PCDH15: variants seen among roughly 807,000 people sequenced by gnomAD.
PCDH15 encodes protocadherin related 15, also known as protocadherin-15.
A neutral mutation model predicts 178.5 loss-of-function variants in PCDH15; 129 were observed. That is an observed-to-expected ratio of 0.72 (90% CI 0.63 to 0.84). The LOEUF (loss-of-function observed/expected upper bound fraction) is 0.84, where lower values mean the gene tolerates loss of function less well. Among genes scored for constraint, PCDH15 ranks in the 40% least tolerant of loss-of-function variants. The pLI, the probability that PCDH15 is intolerant of heterozygous loss-of-function variation, is 0.00. For missense variants in PCDH15, 2,230 were observed against 2,099.9 expected, an observed-to-expected ratio of 1.06 and a Z score of -1.21; for synonymous variants, 800 against 732.0, an observed-to-expected ratio of 1.09 and a Z score of -1.50.
chr10:54,304,317 T>G (rs73243269), intron 8 of PCDH15, among the ~76,000 whole-genome samples: 31,408 of 151,988 alleles, frequency 0.21, 3,317 homozygotes, highest in Admixed American at 0.24. Flanking sequence ...ATAAAACTTT[T>G]TTATTAATCT....
chr10:54,356,688 C>CAA (rs56325148), intron 5 of PCDH15, among the ~76,000 whole-genome samples: 5 of 148,650 alleles, frequency 3.4e-5, no homozygotes, highest in East Asian at 2.0e-4. Flanking sequence ...TCATCAAAAA[C>CAA]AAAAAAAAAG....
At chr10:53,946,503 T>C (rs2086587002) in intron 23 of PCDH15, among the ~76,000 whole-genome samples, 1 of 152,242 alleles carries the variant, frequency 6.6e-6, no homozygotes, top group Non-Finnish European at 1.5e-5. Flanking sequence ...TTTTTTGGAC[T>C]GGCCTCTTTC....
intron 3 of PCDH15, among the ~76,000 whole-genome samples, chr10:54,866,893 T>A (rs1953952580): frequency 6.6e-6 from 1 of 152,204 alleles, no homozygotes; most frequent in Non-Finnish European, 1.5e-5. Flanking sequence ...TATTAGAGCT[T>A]GCACTGAACA....
intron 3 of PCDH15, among the ~76,000 whole-genome samples, chr10:54,862,929 CA>C (rs1243673698): frequency 5.3e-5 from 8 of 152,092 alleles, no homozygotes; most frequent in African/African-American, 1.9e-4. Context: ...ACAAAATTAA[CA>C]GAGACATCAG....
chr10:55,198,191 A>G (rs1327797876), intron 1 of PCDH15, among the ~76,000 whole-genome samples: 2 of 152,122 alleles, frequency 1.3e-5, no homozygotes, highest in African/African-American at 4.8e-5. Flanking sequence ...GTTGCTCTTC[A>G]ATAAACCACT....
intron 18 of PCDH15, among the ~76,000 whole-genome samples, chr10:54,053,710 A>G (rs1325233696): frequency 6.6e-6 from 1 of 152,204 alleles, no homozygotes; most frequent in African/African-American, 2.4e-5. Context: ...AAAGTTGTCA[A>G]AGTAATAGTG....
chr10:53,892,081 G>A (rs112439564), intron 26 of PCDH15, among the ~76,000 whole-genome samples: 2,141 of 138,804 alleles, frequency 0.015, 44 homozygotes, highest in African/African-American at 0.054. Flanking sequence ...CCGGAGTGCC[G>A]TGGTGGCATC....
At chr10:54,493,658 C>T (rs2079824358) in intron 3 of PCDH15, among the ~76,000 whole-genome samples, 1 of 151,652 alleles carries the variant, frequency 6.6e-6, no homozygotes, top group Non-Finnish European at 1.5e-5. Flanking sequence ...ACTAGTTCAG[C>T]CATTGTGGAA....
At chr10:54,323,354 C>G (rs1441388361) in intron 7 of PCDH15, among the ~76,000 whole-genome samples, 1 of 152,072 alleles carries the variant, frequency 6.6e-6, no homozygotes, top group Non-Finnish European at 1.5e-5. Context: ...CTACCAACCC[C>G]ATTACTGGGT....
upstream of PCDH15, among the ~76,000 whole-genome samples, chr10:54,802,139 G>C (rs940826526): frequency 6.6e-6 from 1 of 152,120 alleles, no homozygotes; most frequent in Non-Finnish European, 1.5e-5. Context: ...ACAGACAAAA[G>C]CCCCAGAACA....
chr10:55,455,494 T>C (rs1375303022), intron 2 of PCDH15, among the ~76,000 whole-genome samples: 1 of 152,134 alleles, frequency 6.6e-6, no homozygotes, highest in African/African-American at 2.4e-5. Flanking sequence ...CAATTACCAT[T>C]TGTGAAAACC....
intron 2 of PCDH15, among the ~76,000 whole-genome samples, chr10:55,392,467 T>C (rs1182253174): frequency 2.6e-5 from 4 of 152,202 alleles, no homozygotes; most frequent in African/African-American, 9.6e-5. Flanking sequence ...AACTAAGGTA[T>C]AGTTTTTTGT....
intron 3 of PCDH15, among the ~76,000 whole-genome samples, chr10:54,412,271 A>T (rs1953647784): frequency 6.7e-6 from 1 of 149,586 alleles, no homozygotes; most frequent in Admixed American, 6.7e-5. Flanking sequence ...TATATATTTA[A>T]AATTATATAT....
chr10:55,245,389 A>G (rs979111431), intron 1 of PCDH15, among the ~76,000 whole-genome samples: 1 of 152,086 alleles, frequency 6.6e-6, no homozygotes, highest in African/African-American at 2.4e-5. Flanking sequence ...ACACCCCCCC[A>G]AAACATCTTA....
At chr10:54,760,955 TATACA>T (rs1360475200) in intron 1 of PCDH15, among the ~76,000 whole-genome samples, 1 of 152,114 alleles carries the variant, frequency 6.6e-6, no homozygotes, top group African/African-American at 2.4e-5. Flanking sequence ...TGTACAATAC[TATACA>T]ATACAATATA....
chr10:53,812,027 T>C (rs2075883672), intron 35 of PCDH15, among the ~76,000 whole-genome samples: 1 of 151,122 alleles, frequency 6.6e-6, no homozygotes, highest in Admixed American at 6.6e-5. Context: ...TATAACACTA[T>C]CTACAGCATT....
chr10:55,373,947 G>A (rs1254917565), intron 2 of PCDH15, among the ~76,000 whole-genome samples: 1 of 151,562 alleles, frequency 6.6e-6, no homozygotes, highest in Non-Finnish European at 1.5e-5. Context: ...GTGGTGGGGT[G>A]GGGGGCTGGG....
chr10:54,989,656 TG>T (rs1313952055), intron 2 of PCDH15, among the ~76,000 whole-genome samples: 1 of 152,244 alleles, frequency 6.6e-6, no homozygotes, highest in Admixed American at 6.5e-5. Context: ...ATTTACCCAT[TG>T]AAATGGGTAA....
Position 54,447,375 on chromosome 10 carries a change from A to G in PCDH15, c.158-68433T>C, listed in dbSNP as rs2891520. On this transcript the variant is annotated intron_variant, in intron 3 of 37. Coordinates refer to ENST00000644397, the MANE Select transcript of PCDH15 (RefSeq NM_001384140.1). ...AACTGGAATTTTGTGTCTTTTGACC[A>G]ACATCTCCGCAATTTCCCCCATGCC... Among the ~76,000 whole-genome samples the G allele has an allele frequency of 6.8e-4, 103 of 151,606 alleles. No homozygotes were observed. The East Asian group carries it at 0.012, about 18-fold the overall frequency.
Sources: gnomAD v4.1 joint callset for allele counts (sites outside exome capture counted in the v4.1 genomes callset) on GRCh38, gnomAD v4.1.1 for gene constraint, MANE v1.5 for transcripts, NCBI Gene and HGNC (gene_info 2026-07-23, HGNC 2026-07-21) for gene names.